The following TNS3 variants were observed in gnomAD, a reference collection of about 807,000 sequenced individuals.
TNS3 encodes tensin 3.
A neutral mutation model predicts 140.9 loss-of-function variants in TNS3; 45 were observed. The ratio of observed to expected loss-of-function variants is 0.32; its 90% CI spans 0.25 to 0.41. TNS3 has a LOEUF of 0.41. Ranked by LOEUF, TNS3 falls within the 10% of genes least tolerant of loss-of-function variation. TNS3 has a pLI of 1.00. For synonymous variants in TNS3, 815 were observed against 788.4 expected (o/e 1.03, Z -0.56); for missense variants, 1,716 against 1,906.7 (o/e 0.90, Z 1.86).
intron 4 of TNS3, among the ~76,000 whole-genome samples, chr7:47,472,162 C>T (rs1231086001): frequency 2.6e-5 from 4 of 152,234 alleles, no homozygotes; most frequent in Non-Finnish European, 5.9e-5. Context: ...CCTCTTCTTA[C>T]AAGAACCCAG....
intron 8 of TNS3, among the ~76,000 whole-genome samples, chr7:47,430,638 C>G (rs2151509607): frequency 6.6e-6 from 1 of 152,172 alleles, no homozygotes; most frequent in South Asian, 2.1e-4. Flanking sequence ...GAAGTGCACA[C>G]AGAAAGTTCT....
At chr7:47,290,648 A>C (rs2150598890) in intron 27 of TNS3, among the ~76,000 whole-genome samples, 2 of 152,340 alleles carry the variant, frequency 1.3e-5, no homozygotes, top group South Asian at 4.1e-4. Flanking sequence ...CTACGCTACT[A>C]TTAGAAAGGC....
At chr7:47,556,048 C>T (rs1242137763) in intron 1 of TNS3, among the ~76,000 whole-genome samples, 1 of 152,198 alleles carries the variant, frequency 6.6e-6, no homozygotes, top group African/African-American at 2.4e-5. Flanking sequence ...CACACATACA[C>T]TTGTGTACAT....
At chr7:47,326,060 G>A (rs561865084) in intron 20 of TNS3, among the ~76,000 whole-genome samples, 17 of 152,192 alleles carry the variant, frequency 1.1e-4, no homozygotes, top group Non-Finnish European at 2.1e-4. Flanking sequence ...CAATCTGAAT[G>A]TCAACAGCTT....
chr7:47,351,766 C>A (rs916287381), intron 17 of TNS3, among the ~76,000 whole-genome samples: 1 of 152,152 alleles, frequency 6.6e-6, no homozygotes, highest in African/African-American at 2.4e-5. Context: ...GGTGCAACAG[C>A]GAGCAGGAAC....
At chr7:47,500,174 T>C (rs1189404542) in intron 3 of TNS3, among the ~76,000 whole-genome samples, 1 of 152,180 alleles carries the variant, frequency 6.6e-6, no homozygotes, top group East Asian at 1.9e-4. Context: ...TTTCGTCCTG[T>C]GGGGCTGCAG....
At chr7:47,467,212 G>A (rs1264526732) in intron 4 of TNS3, among the ~76,000 whole-genome samples, 1 of 152,224 alleles carries the variant, frequency 6.6e-6, no homozygotes, top group African/African-American at 2.4e-5. Context: ...AGGCCATGGG[G>A]CTACCCCAGG....
At chr7:47,499,230 T>C (rs1387071970) in intron 3 of TNS3, among the ~76,000 whole-genome samples, 1 of 152,118 alleles carries the variant, frequency 6.6e-6, no homozygotes, top group African/African-American at 2.4e-5. Context: ...GAGTAATAGT[T>C]CCCAGTAGAA....
chr7:47,303,839 G>T (rs571370790), intron 21 of TNS3, among the ~76,000 whole-genome samples: 1 of 152,180 alleles, frequency 6.6e-6, no homozygotes, highest in Admixed American at 6.5e-5. Context: ...GCCCCATGAA[G>T]GCCTCCACAT....
chr7:47,438,975 G>A (rs989022280), intron 6 of TNS3, among the ~76,000 whole-genome samples: 1 of 152,118 alleles, frequency 6.6e-6, no homozygotes, highest in Non-Finnish European at 1.5e-5. Context: ...GTGAGAGATG[G>A]TGAGAGGCTG....
chr7:47,489,105 T>C (rs781136718), intron 3 of TNS3, among the ~76,000 whole-genome samples: 27 of 152,206 alleles, frequency 1.8e-4, no homozygotes, highest in Non-Finnish European at 2.8e-4. Context: ...GAAGCTCTGT[T>C]ATCCCACTAA....
intron 1 of TNS3, among the ~76,000 whole-genome samples, chr7:47,575,961 G>T (rs530154608): frequency 1.3e-5 from 2 of 151,714 alleles, no homozygotes; most frequent in Non-Finnish European, 2.9e-5. Context: ...CTTCACCCAC[G>T]TAGAGCCCTC....
intron 4 of TNS3, among the ~76,000 whole-genome samples, chr7:47,463,963 C>T (rs1054040731): frequency 6.6e-6 from 1 of 152,186 alleles, no homozygotes; most frequent in African/African-American, 2.4e-5. Flanking sequence ...AATGCCCCCA[C>T]TTAATACACC....
chr7:47,550,144 A>G (rs1157748261), intron 1 of TNS3, among the ~76,000 whole-genome samples: 2 of 152,068 alleles, frequency 1.3e-5, no homozygotes, highest in African/African-American at 2.4e-5. Context: ...GGGCCCCACA[A>G]AAGTTCTTAC....
Position 47,543,401 on chromosome 7 carries a change from G to A in TNS3, c.-264-14254C>T, listed in dbSNP as rs962508051. Among the ~76,000 whole-genome samples the A allele has an allele frequency of 3.3e-5, 5 of 152,354 alleles. 1 individual carries two copies. The highest frequency in any genetic ancestry group is 1.2e-4 in the African/African-American group (5 of 41,590). ...CAAGTCCCAGGGGCTCAGGATATGT[G>A]CATGGGGCACCTGAAAGACTGGAGA... On this transcript the variant is annotated intron_variant, in intron 1 of 30. Coordinates refer to ENST00000311160, the MANE Select transcript of TNS3 (RefSeq NM_022748.12).
intron 8 of TNS3, 108 bp downstream of exon 8, chr7:47,435,174 C>T: frequency 2.8e-6 from 4 of 1,445,118 alleles, no homozygotes; most frequent in Non-Finnish European, 3.7e-6. Context: ...AGGAGCACAT[C>T]GCACCAGCTC....
At chr7:47,376,368 A>T (rs958768332) in intron 16 of TNS3, among the ~76,000 whole-genome samples, 2 of 152,224 alleles carry the variant, frequency 1.3e-5, no homozygotes, top group African/African-American at 4.8e-5. Flanking sequence ...AGGAATTGGC[A>T]TCTTCATCAC....
Position 47,439,654 on chromosome 7 carries a change from C to G in TNS3, c.-18G>C. On this transcript the variant is annotated 5_prime_UTR_variant, in exon 6 of 31. Transcript: ENST00000311160. ...TCCTCCATGGTGGGACTCAGGATGA[C>G]GGGCCTGCGAGAGAGCAGTGGGCAG... is the stretch of plus-strand genomic sequence containing the variant. 6.2e-7 allele frequency: 1 copy of G among 1,613,678 alleles called. No homozygotes were observed. Among genetic ancestry groups the G allele is most frequent in the South Asian group, 1.1e-5 (1 of 90,958 alleles).
intron 10 of TNS3, among the ~76,000 whole-genome samples, chr7:47,419,147 C>T (rs1794239132): frequency 1.3e-5 from 2 of 152,238 alleles, no homozygotes; most frequent in Admixed American, 1.3e-4. Flanking sequence ...GAGTCAGTTG[C>T]ATGGACATAA....
Sources: allele counts gnomAD v4.1 joint callset (sites outside exome capture counted in the v4.1 genomes callset), GRCh38; gene constraint gnomAD v4.1.1; transcripts MANE v1.5; gene names NCBI Gene and HGNC (gene_info 2026-07-23, HGNC 2026-07-21).